The following DSCAM variants were observed in gnomAD, a reference collection of about 807,000 sequenced individuals.
The protein encoded by DSCAM is cell adhesion molecule DSCAM.
DSCAM carries 47 observed loss-of-function variants against 217.7 expected under a neutral mutation model. That is an observed-to-expected ratio of 0.22 (90% CI 0.17 to 0.28). The LOEUF (loss-of-function observed/expected upper bound fraction) is 0.28. DSCAM is among the 10% of genes least tolerant of loss of function. The pLI, the probability that DSCAM is intolerant of heterozygous loss-of-function variation, is 1.00. For missense variants in DSCAM, 2,080 were observed against 2,618.3 expected (o/e 0.79, Z 4.49); for synonymous variants, 1,056 against 1,015.3 (o/e 1.04, Z -0.76).
At chr21:40,091,068 C>T (rs956278222) in intron 21 of DSCAM, among the ~76,000 whole-genome samples, 6 of 152,168 alleles carry the variant, frequency 3.9e-5, no homozygotes, top group Non-Finnish European at 7.3e-5. Flanking sequence ...GCACACCCGC[C>T]ATTAGTTGTA....
chr21:40,634,438 T>C (rs1176594582), intron 3 of DSCAM, among the ~76,000 whole-genome samples: 1 of 152,176 alleles, frequency 6.6e-6, no homozygotes, highest in Non-Finnish European at 1.5e-5. Flanking sequence ...ACACTCCCAC[T>C]TGTGCACTTA....
intron 9 of DSCAM, among the ~76,000 whole-genome samples, chr21:40,296,545 G>A (rs1028939402): frequency 6.6e-6 from 1 of 152,068 alleles, no homozygotes; most frequent in Admixed American, 6.6e-5. Context: ...TTAAAGAACA[G>A]ATCAGGCTGG....
chr21:40,237,319 C>A (rs1225079225), intron 11 of DSCAM, among the ~76,000 whole-genome samples: 5 of 152,090 alleles, frequency 3.3e-5, no homozygotes, highest in African/African-American at 4.8e-5. Context: ...CACCCATCAA[C>A]CTGTCATCTA....
chr21:40,528,740 T>C (rs1262421935), intron 3 of DSCAM, among the ~76,000 whole-genome samples: 1 of 152,084 alleles, frequency 6.6e-6, no homozygotes, highest in Non-Finnish European at 1.5e-5. Flanking sequence ...TTTTGCTCAG[T>C]TGGCCTCAGT....
At chr21:40,589,208 T>C (rs1341536308) in intron 3 of DSCAM, among the ~76,000 whole-genome samples, 1 of 152,232 alleles carries the variant, frequency 6.6e-6, no homozygotes, top group Non-Finnish European at 1.5e-5. Flanking sequence ...ATACAATTTC[T>C]ATGCTTTGGC....
At chr21:40,262,701 A>G (rs929402664) in intron 11 of DSCAM, among the ~76,000 whole-genome samples, 2 of 152,208 alleles carry the variant, frequency 1.3e-5, no homozygotes, top group African/African-American at 2.4e-5. Context: ...AATAAACTCA[A>G]CTTGGTACCC....
At chr21:40,801,888 G>C (rs543467819) in intron 1 of DSCAM, among the ~76,000 whole-genome samples, 4 of 152,120 alleles carry the variant, frequency 2.6e-5, no homozygotes, top group East Asian at 3.9e-4. Context: ...CTTGTCACAG[G>C]GGGGGTTGCC....
At chr21:40,789,790 C>T (rs1003401071) in intron 1 of DSCAM, among the ~76,000 whole-genome samples, 4 of 152,184 alleles carry the variant, frequency 2.6e-5, no homozygotes, top group Non-Finnish European at 5.9e-5. Context: ...CTCCTGACCT[C>T]GTGATCCGCC....
chr21:40,027,168 T>C (rs2088406828), intron 32 of DSCAM, among the ~76,000 whole-genome samples: 1 of 152,130 alleles, frequency 6.6e-6, no homozygotes, highest in Non-Finnish European at 1.5e-5. Flanking sequence ...AATTCTGGGT[T>C]GAAAATTCTT....
chr21:40,343,842 T>TATTA (rs2074526825), intron 6 of DSCAM, among the ~76,000 whole-genome samples: 1 of 150,546 alleles, frequency 6.6e-6, no homozygotes, highest in Non-Finnish European at 1.5e-5. Flanking sequence ...TTTTATTTAT[T>TATTA]ATTATTTTAT....
At chr21:40,108,510 A>C (rs1427837620) in intron 20 of DSCAM, among the ~76,000 whole-genome samples, 3 of 152,222 alleles carry the variant, frequency 2.0e-5, no homozygotes, top group Admixed American at 6.5e-5. Context: ...AGATGACACA[A>C]ACAAATGGAA....
intron 2 of DSCAM, among the ~76,000 whole-genome samples, chr21:40,704,745 C>A (rs1236121343): frequency 1.3e-5 from 2 of 152,106 alleles, no homozygotes; most frequent in Non-Finnish European, 2.9e-5. Flanking sequence ...AAAAAATGTT[C>A]TAACACTTAT....
rs559287388 is a variant in DSCAM at position 40,433,801 on chromosome 21, A to G, written c.509-64556T>C. On this transcript the variant is annotated intron_variant, in intron 3 of 32. Transcript: ENST00000400454. ...AGTTGGATGAGGTCACCTGAGTTGGATGAGGTCACCTGAGGTGATGACATC... is the reference window on the plus strand; with the variant it reads ...AGTTGGATGAGGTCACCTGAGTTGGGTGAGGTCACCTGAGGTGATGACATC... Among the ~76,000 whole-genome samples, 123 of 152,182 alleles carry G rather than the reference A, an allele frequency of 8.1e-4. No individual in the cohort carries two copies. In the Middle Eastern group the frequency reaches 0.01, roughly 13 times the overall value.
intron 20 of DSCAM, among the ~76,000 whole-genome samples, chr21:40,110,632 A>G (rs1011310776): frequency 1.3e-5 from 2 of 152,216 alleles, no homozygotes; most frequent in Admixed American, 6.5e-5. Flanking sequence ...TAAAGGAGGA[A>G]GTTTGAACCC....
chr21:40,660,378 A>G (rs2090126112), intron 3 of DSCAM, among the ~76,000 whole-genome samples: 1 of 152,226 alleles, frequency 6.6e-6, no homozygotes, highest in South Asian at 2.1e-4. Context: ...GGATAATTCT[A>G]ACAACTGGCC....
intron 4 of DSCAM, among the ~76,000 whole-genome samples, chr21:40,359,814 C>T (rs139775571): frequency 0.011 from 1,626 of 152,154 alleles, 12 homozygotes; most frequent in Non-Finnish European, 0.016. Flanking sequence ...TGGCTTCAAA[C>T]GGGTAGGAGG....
chr21:40,499,520 G>A (rs1005027878), intron 3 of DSCAM, among the ~76,000 whole-genome samples: 2 of 152,184 alleles, frequency 1.3e-5, no homozygotes, highest in South Asian at 2.1e-4. Context: ...CACCAGCAAC[G>A]CATGTGTCTC....
intron 1 of DSCAM, among the ~76,000 whole-genome samples, chr21:40,750,640 T>C (rs563374084): frequency 4.4e-4 from 67 of 152,040 alleles, no homozygotes; most frequent in African/African-American, 1.5e-3. Flanking sequence ...CCCAACTGCC[T>C]GCTCACATCT....
At chr21:40,648,033 C>T (rs8130081) in intron 3 of DSCAM, among the ~76,000 whole-genome samples, 58,788 of 151,616 alleles carry the variant, frequency 0.39, 12,048 homozygotes, top group East Asian at 0.6. Context: ...GCACATGCAC[C>T]GAGTAGCAAG....
Sources: allele counts gnomAD v4.1 joint callset (sites outside exome capture counted in the v4.1 genomes callset), GRCh38; gene constraint gnomAD v4.1.1; transcripts MANE v1.5; gene names NCBI Gene and HGNC (gene_info 2026-07-23, HGNC 2026-07-21).